CLNK: variants seen among roughly 807,000 people sequenced by gnomAD.
CLNK encodes cytokine-dependent hematopoietic cell linker.
A neutral mutation model predicts 68.6 loss-of-function variants in CLNK; 74 were observed. The observed-to-expected ratio is 1.08, with a 90% CI of 0.89 to 1.31. The LOEUF (loss-of-function observed/expected upper bound fraction) is 1.31. Ranked by LOEUF, CLNK falls within the 50% of genes most tolerant of loss-of-function variation. The pLI is 0.00. For missense variants in CLNK, 553 were observed against 515.3 expected (o/e 1.07, Z -0.71); for synonymous variants, 198 against 172.2 (o/e 1.15, Z -1.17).
intron 8 of CLNK, among the ~76,000 whole-genome samples, chr4:10,544,873 G>C (rs1042962967): frequency 6.6e-6 from 1 of 152,174 alleles, no homozygotes; most frequent in Non-Finnish European, 1.5e-5. Flanking sequence ...GAGGCTGACT[G>C]TGCTAATGTG....
At chr4:10,636,136 T>C (rs934084530) in intron 2 of CLNK, among the ~76,000 whole-genome samples, 21 of 152,210 alleles carry the variant, frequency 1.4e-4, no homozygotes, top group Non-Finnish European at 2.5e-4. Context: ...TCCAAAAAGA[T>C]GTGTTGGGAG....
At chr4:10,700,208 T>G in the CLNK span, among the ~76,000 whole-genome samples, 1 of 152,120 alleles carries the variant, frequency 6.6e-6, no homozygotes. Flanking sequence ...AACTGAGAAT[T>G]ACAATTAGGA....
At chr4:10,724,468 T>C in the CLNK span, among the ~76,000 whole-genome samples, 6 of 146,994 alleles carry the variant, frequency 4.1e-5, no homozygotes, top group African/African-American at 1.5e-4. Flanking sequence ...CTCTTGATAT[T>C]ACATTTTTAG....
rs374233445 is a variant in CLNK, at chr4:10,502,262, C to T, written c.985-851G>A. On this transcript the variant is annotated intron_variant, in intron 17 of 18. Transcript: ENST00000226951. ...AGGAAACTTATAATCAGGCGGAAGG[C>T]GAAGGGGAAGCAAGCTTGGACCTTC... is the stretch of plus-strand genomic sequence containing the variant. Among the ~76,000 whole-genome samples, 241 of 152,226 alleles carry T rather than the reference C, an allele frequency of 1.6e-3. 2 individuals are homozygous for T. Among genetic ancestry groups the T allele is most frequent in the Middle Eastern group, 6.8e-3 (2 of 294 alleles).
At chr4:10,673,483 C>T (rs1333168545) in intron 1 of CLNK, among the ~76,000 whole-genome samples, 1 of 152,126 alleles carries the variant, frequency 6.6e-6, no homozygotes, top group Non-Finnish European at 1.5e-5. Flanking sequence ...GAATACTATG[C>T]AGCCATAAAA....
chr4:10,703,990 G>GT, the CLNK span, among the ~76,000 whole-genome samples: 779 of 152,278 alleles, frequency 5.1e-3, 4 homozygotes, highest in African/African-American at 0.011. Flanking sequence ...CACATTTTCA[G>GT]TAAGTGCTAT....
In CLNK at chr4:10,487,441, C is replaced by G. The variant is rs180757214; in HGVS notation, c.*3026G>C. On this transcript the variant is annotated 3_prime_UTR_variant, in exon 19 of 19. Transcript: ENST00000226951. ...ACTCTTATTATTTAATCATCCATTA[C>G]AAGCAAAATGTAAATGTGATTGTCC... 34 of 152,234 alleles carry G rather than the reference C, an allele frequency of 2.2e-4. 1 individual carries two copies. The highest frequency in any genetic ancestry group is 2.1e-3 in the Admixed American group (32 of 15,288). The allele number at this position is 152,234 out of a possible 1,614,324, so 9.4% of individuals were successfully genotyped here. A position where few individuals can be genotyped will look rare whatever the true frequency, so the allele number is the denominator to read the frequency against.
intron 7 of CLNK, among the ~76,000 whole-genome samples, chr4:10,561,385 G>A (rs550197387): frequency 6.6e-6 from 1 of 152,228 alleles, no homozygotes; most frequent in African/African-American, 2.4e-5. Flanking sequence ...GTTTTTAACA[G>A]GAAGCTACAA....
intron 4 of CLNK, among the ~76,000 whole-genome samples, chr4:10,576,816 A>G (rs1241805968): frequency 1.3e-5 from 2 of 152,254 alleles, no homozygotes; most frequent in African/African-American, 4.8e-5. Context: ...CCGCTAAGTT[A>G]GAAGCTCCAA....
chr4:10,630,557 G>A lies in CLNK; in HGVS notation c.12-32508C>T, dbSNP rs183816297. Among the ~76,000 whole-genome samples, 153 of 152,212 alleles carry A rather than the reference G, an allele frequency of 1.0e-3. No individual in the cohort carries two copies. In the Middle Eastern group the frequency reaches 0.01, roughly 10 times the overall value. On this transcript the variant is annotated intron_variant, in intron 2 of 18. Transcript: ENST00000226951. The stretch of plus-strand genomic sequence containing the variant: ...CAAATAGGCTGTGAATTCTAGGAGG[G>A]GAAGAGCCAATAAAATTAATTATAG...
chr4:10,648,404 C>T (rs1220377110), intron 2 of CLNK, among the ~76,000 whole-genome samples: 1 of 152,180 alleles, frequency 6.6e-6, no homozygotes, highest in Non-Finnish European at 1.5e-5. Context: ...ACATATTTCT[C>T]ATGTGCTTTA....
At chr4:10,732,933 G>A in the CLNK span, among the ~76,000 whole-genome samples, 50 of 152,220 alleles carry the variant, frequency 3.3e-4, no homozygotes, top group Middle Eastern at 3.4e-3. Context: ...CCCTTTTGGC[G>A]GGAGTGAATA....
At chr4:10,641,931 C>T (rs1009351411) in intron 2 of CLNK, among the ~76,000 whole-genome samples, 1 of 152,088 alleles carries the variant, frequency 6.6e-6, no homozygotes, top group Non-Finnish European at 1.5e-5. Flanking sequence ...TTCTCTCTTG[C>T]CTGCCACCAT....
At chr4:10,688,461 G>A (rs1725346815), upstream of CLNK, among the ~76,000 whole-genome samples, 1 of 152,154 alleles carries the variant, frequency 6.6e-6, no homozygotes, top group South Asian at 2.1e-4. Context: ...TGCCTGGATG[G>A]CTGGGAAAGA....
intron 2 of CLNK, among the ~76,000 whole-genome samples, chr4:10,653,841 G>A (rs952711267): frequency 6.6e-6 from 1 of 152,138 alleles, no homozygotes; most frequent in Non-Finnish European, 1.5e-5. Context: ...AGGCACAACA[G>A]ACTTTAAAAT....
chr4:10,722,950 T>A, the CLNK span, among the ~76,000 whole-genome samples: 2 of 151,994 alleles, frequency 1.3e-5, no homozygotes, highest in Non-Finnish European at 2.9e-5. Flanking sequence ...CTTGGGAGGC[T>A]GAGGCACAAT....
At chr4:10,643,584 C>T (rs899577734) in intron 2 of CLNK, among the ~76,000 whole-genome samples, 2 of 152,202 alleles carry the variant, frequency 1.3e-5, no homozygotes, top group African/African-American at 2.4e-5. Context: ...CACGCTCAGG[C>T]GCATAATAAC....
At chr4:10,670,733 A>G (rs1435027278) in intron 1 of CLNK, among the ~76,000 whole-genome samples, 1 of 152,180 alleles carries the variant, frequency 6.6e-6, no homozygotes, top group South Asian at 2.1e-4. Context: ...CAATCCATCA[A>G]TATTTGGTGA....
chr4:10,585,578 G>C (rs937517645), intron 3 of CLNK, among the ~76,000 whole-genome samples: 1 of 152,158 alleles, frequency 6.6e-6, no homozygotes, highest in Non-Finnish European at 1.5e-5. Flanking sequence ...GGCTGGGAAG[G>C]CCACCTGATT....
Sources: allele counts gnomAD v4.1 joint callset (sites outside exome capture counted in the v4.1 genomes callset), GRCh38; gene constraint gnomAD v4.1.1; transcripts MANE v1.5; gene names NCBI Gene and HGNC (gene_info 2026-07-23, HGNC 2026-07-21).